LAT: variants seen among roughly 807,000 people sequenced by gnomAD.
LAT encodes the protein linker for activation of T-cells family member 1.
Under a neutral mutation model 39.1 loss-of-function variants are expected in LAT, and 12 were observed. The ratio of observed to expected loss-of-function variants is 0.31; its 90% CI spans 0.20 to 0.50. The LOEUF is 0.50. Ranked by LOEUF, LAT falls within the 20% of genes least tolerant of loss-of-function variation. The pLI is 0.98. For synonymous variants in LAT, 117 were observed against 123.8 expected (o/e 0.95, Z 0.36); for missense variants, 253 against 308.0 (o/e 0.82, Z 1.34).
chr16:28,985,610 C>T lies in LAT; in HGVS notation c.100+93C>T. 1 of 1,603,882 alleles carries T rather than the reference C, an allele frequency of 6.2e-7. No homozygotes were observed. The highest frequency in any genetic ancestry group is 8.5e-7 in the Non-Finnish European group (1 of 1,171,874). On this transcript the variant is annotated intron_variant, in intron 1 of 11. Transcript: ENST00000395456. This position sits in a 1 kb window ranked among gnomAD's most constrained non-coding sequence, Gnocchi z 4.6. ...CCCCTGTGTCTGTCCTGGCTCTGTCCCTGCCTCCGTCCTGATCCCAGCGCC... is the reference window on the plus strand; with the variant it reads ...CCCCTGTGTCTGTCCTGGCTCTGTCTCTGCCTCCGTCCTGATCCCAGCGCC...
chr16:28,984,909 G>T, upstream of LAT: 3 of 1,547,450 alleles, frequency 1.9e-6, no homozygotes, highest in South Asian at 1.2e-5. Context: ...CCGTCTTGGG[G>T]GGGGCCAGCA....
intron 8 of LAT, chr16:28,988,482 G>C (rs757222017): frequency 1.3e-5 from 2 of 151,938 alleles, no homozygotes; most frequent in South Asian, 2.1e-4. Context: ...AGGCCAAGGT[G>C]GGGGGATCAC....
Position 28,985,625 on chromosome 16 carries a change from A to T in LAT, c.101-88A>T. On this transcript the variant is annotated intron_variant, in intron 1 of 11. Transcript: ENST00000395456. The surrounding 1 kb of genome is among the most constrained non-coding windows in gnomAD (Gnocchi z 4.6). Reference sequence around the variant, plus strand: ...TGGCTCTGTCCCTGCCTCCGTCCTGATCCCAGCGCCTCTGAGAGTCCCTGG... The same window carrying T: ...TGGCTCTGTCCCTGCCTCCGTCCTGTTCCCAGCGCCTCTGAGAGTCCCTGG... 1 of 1,606,400 alleles carries T rather than the reference A, an allele frequency of 6.2e-7. No homozygotes were observed. Among genetic ancestry groups the T allele is most frequent in the Non-Finnish European group, 8.5e-7 (1 of 1,173,758 alleles).
rs775228902 is a variant in LAT at position 28,986,248 on chromosome 16, A to G, written c.245+32A>G. 2.6e-5 allele frequency: 40 copies of G among 1,558,666 alleles called. No individual in the cohort carries two copies. The highest frequency in any genetic ancestry group is 3.4e-5 in the Non-Finnish European group (39 of 1,143,768). ...AGCTGCTCAGCCCCTGCCCCTCCAA[A>G]GCTCAGCCCCTCCCCCTCCAAACTC... On this transcript the variant is annotated intron_variant, in intron 4 of 11. Coordinates refer to ENST00000395456, the MANE Select transcript of LAT (RefSeq NM_001014987.2). The surrounding 1 kb of genome is among the most constrained non-coding windows in gnomAD (Gnocchi z 5.7).
In LAT at chr16:28,990,495, A is replaced by T. The variant is rs1215498804; in HGVS notation, c.*314A>T. The T allele has an allele frequency of 3.2e-6, 1 of 309,744 alleles. No homozygotes were observed. The highest frequency in any genetic ancestry group is 2.2e-5 in the African/African-American group (1 of 44,976). 19.2% of individuals were successfully genotyped at this position (309,744 alleles called of 1,614,324 possible). A position where few individuals can be genotyped will look rare whatever the true frequency, so the allele number is the denominator to read the frequency against. On this transcript the variant is annotated 3_prime_UTR_variant, in exon 12 of 12. Coordinates refer to ENST00000395456, the MANE Select transcript of LAT (RefSeq NM_001014987.2). ...GTGCCTGTGTGCGAGTCTGAGTCAG[A>T]GATTTGGAGATGTCTCTGTGTGTTT...
Position 28,985,320 on chromosome 16 carries a change from C to T in LAT, c.-98C>T, listed in dbSNP as rs1230552518. ...ACCTGGTGCCTACCTGCCCCCTGCT[C>T]CCTGCCGGGTCCGGTCCTCACCCCA... On this transcript the variant is annotated 5_prime_UTR_variant, in exon 1 of 12. Transcript: ENST00000395456. This position sits in a 1 kb window ranked among gnomAD's most constrained non-coding sequence, Gnocchi z 4.6. 1.3e-6 allele frequency: 2 copies of T among 1,553,162 alleles called. No homozygotes were observed. The highest frequency in any genetic ancestry group is 1.4e-5 in the African/African-American group (1 of 73,752).
intron 8 of LAT, chr16:28,988,838 C>T (rs1428890579): frequency 3.9e-5 from 6 of 152,272 alleles, no homozygotes; most frequent in Non-Finnish European, 8.8e-5. Flanking sequence ...CAAGACCAGC[C>T]TGGGCAGCAT....
At position 28,985,822 on chromosome 16, in the gene LAT, G is replaced by A; in HGVS notation, c.129-32G>A. On this transcript the variant is annotated intron_variant, in intron 2 of 11. Coordinates refer to ENST00000395456, the MANE Select transcript of LAT (RefSeq NM_001014987.2). The surrounding 1 kb of genome is among the most constrained non-coding windows in gnomAD (Gnocchi z 4.6). ...TGGGGCTTCCATCCTCCATCTTCCA[G>A]CCCCATCCCCAAGCTGTGTCTCCTT... 3 of 1,614,040 alleles carry A rather than the reference G, an allele frequency of 1.9e-6. No homozygotes were observed. The highest frequency in any genetic ancestry group is 2.5e-6 in the Non-Finnish European group (3 of 1,179,972).
chr16:28,985,882 C>T lies in LAT; in HGVS notation c.157C>T (p.Arg53Trp), dbSNP rs186783312. ...SLYPRGIQFK[R>W]PHTVAPWPPA... ...GTATCCAAGGGGCATCCAGTTCAAA[C>T]GGCCTCGTGAGTACAAGGAGGGTCC... Residue 53 changes from arginine to tryptophan, a missense_variant, in exon 3 of 12, where the codon CGG (arginine) becomes TGG (tryptophan). Physicochemically the swap from Arg to Trp is moderately radical, Grantham distance 101. Transcript: ENST00000395456. This position sits in a 1 kb window ranked among gnomAD's most constrained non-coding sequence, Gnocchi z 4.6. 8.1e-6 allele frequency: 13 copies of T among 1,614,104 alleles called. No homozygotes were observed. The highest frequency in any genetic ancestry group is 1.0e-5 in the Non-Finnish European group (12 of 1,179,984).
Position 28,985,196 on chromosome 16 carries a change from T to C in LAT, c.-222T>C, listed in dbSNP as rs762379391. 7.0e-7 allele frequency: 1 copy of C among 1,429,450 alleles called. No individual in the cohort carries two copies. The allele number at this position is 1,429,450 out of a possible 1,614,324, so 88.5% of individuals were successfully genotyped here. A position where few individuals can be genotyped will look rare whatever the true frequency, so the allele number is the denominator to read the frequency against. ...CTGACCACCCTGGGAGCAGGGACTT[T>C]CCACAGTCAGCTGGACGCACACTCA... On this transcript the variant is annotated 5_prime_UTR_variant, in exon 1 of 12. Coordinates refer to ENST00000395456, the MANE Select transcript of LAT (RefSeq NM_001014987.2). This position sits in a 1 kb window ranked among gnomAD's most constrained non-coding sequence, Gnocchi z 4.6.
rs755492698 is a variant in LAT, at chr16:28,990,006, G to A, written c.696G>A (p.Leu232=). The change falls in exon 11 of 12, where the codon CTG becomes CTA. Residue 232 remains leucine, a synonymous_variant. Coordinates refer to ENST00000395456, the MANE Select transcript of LAT (RefSeq NM_001014987.2). ...GAPDYENLQE[L]N ...CAGATTACGAGAATCTGCAGGAGCT[G>A]AACTGAGGGCCTGGTGAGAGGCCTG... The A allele has an allele frequency of 1.2e-5, 19 of 1,613,132 alleles. No individual in the cohort carries two copies. The highest frequency in any genetic ancestry group is 1.5e-5 in the Non-Finnish European group (18 of 1,179,718).
chr16:28,989,810 T>G lies in LAT; in HGVS notation c.593T>G (p.Leu198Arg). The G allele has an allele frequency of 6.2e-7, 1 of 1,614,138 alleles. No individual in the cohort carries two copies. The highest frequency in any genetic ancestry group is 1.3e-5 in the African/African-American group (1 of 75,040). Reference sequence around the variant, plus strand: ...GAGTATGTGAATGTGTCCCAGGAACTGCATCCTGGAGCGGCTAAGACTGAG... The same window carrying G: ...GAGTATGTGAATGTGTCCCAGGAACGGCATCCTGGAGCGGCTAAGACTGAG... ...SREYVNVSQE[L>R]HPGAAKTEPA... The change falls in exon 10 of 12, where the codon CTG becomes CGG. Residue 198 changes from leucine (L) to arginine (R), a missense_variant. Physicochemically the swap from Leu to Arg is moderately radical, Grantham distance 102. Transcript: ENST00000395456.
chr16:28,986,768 T>A lies in LAT; in HGVS notation c.399-31T>A. 6.2e-7 allele frequency: 1 copy of A among 1,611,190 alleles called. No homozygotes were observed. Among genetic ancestry groups the A allele is most frequent in the South Asian group, 1.1e-5 (1 of 90,768 alleles). On this transcript the variant is annotated intron_variant, in intron 7 of 11. Coordinates refer to ENST00000395456, the MANE Select transcript of LAT (RefSeq NM_001014987.2). This position sits in a 1 kb window ranked among gnomAD's most constrained non-coding sequence, Gnocchi z 5.7. The stretch of plus-strand genomic sequence containing the variant: ...GAGGGCTGAGGCTGTGCGTCCCCCC[T>A]TGCTCACCGGCCCTTTTCACTTCCT...
chr16:28,985,856 T>C lies in LAT; in HGVS notation c.131T>C (p.Leu44Ser). The C allele has an allele frequency of 6.2e-7, 1 of 1,614,108 alleles. No individual in the cohort carries two copies. Among genetic ancestry groups the C allele is most frequent in the Non-Finnish European group, 8.5e-7 (1 of 1,180,000 alleles). The change falls in exon 3 of 12, where the codon TTG becomes TCG. Residue 44 changes from leucine (L) to serine (S), a missense_variant and splice_region_variant. Leu to Ser is a moderately radical substitution (Grantham distance 145). Transcript: ENST00000395456. This position sits in a 1 kb window ranked among gnomAD's most constrained non-coding sequence, Gnocchi z 4.6. ...GSYDSTSSDS[L>S]YPRGIQFKRP... Reference sequence around the variant, plus strand: ...CCAAGCTGTGTCTCCTTTACCAGTTTGTATCCAAGGGGCATCCAGTTCAAA... The same window carrying C: ...CCAAGCTGTGTCTCCTTTACCAGTTCGTATCCAAGGGGCATCCAGTTCAAA...
intron 11 of LAT, 83 bp downstream of exon 11, chr16:28,990,102 C>T: frequency 8.6e-7 from 1 of 1,163,654 alleles, no homozygotes; most frequent in Non-Finnish European, 1.2e-6. Context: ...CCCAACCCTA[C>T]CTCTGGCTTG....
chr16:28,986,344 C>A lies in LAT; in HGVS notation c.246-38C>A. On this transcript the variant is annotated intron_variant, in intron 4 of 11. Coordinates refer to ENST00000395456, the MANE Select transcript of LAT (RefSeq NM_001014987.2). The surrounding 1 kb of genome is among the most constrained non-coding windows in gnomAD (Gnocchi z 5.7). ...TTTGCAACTGCTGTTGCCCCCTGAGCCCCACCTCAGGCATGACCCCTGACC... is the reference window on the plus strand; with the variant it reads ...TTTGCAACTGCTGTTGCCCCCTGAGACCCACCTCAGGCATGACCCCTGACC... 1 of 1,605,626 alleles carries A rather than the reference C, an allele frequency of 6.2e-7. No homozygotes were observed. Among genetic ancestry groups the A allele is most frequent in the Admixed American group, 1.7e-5 (1 of 59,788 alleles).
chr16:28,984,837 C>T (rs748478144), upstream of LAT: 1 of 1,549,968 alleles, frequency 6.5e-7, no homozygotes, highest in Non-Finnish European at 8.7e-7. Context: ...GGCCTCCCTG[C>T]TCGCTGCCTC....
rs764430069 is a variant in LAT at position 28,989,558 on chromosome 16, G to A, written c.525G>A (p.Pro175=). Residue 175 remains proline, a synonymous_variant, in exon 9 of 12, where the codon CCG becomes CCA. Transcript: ENST00000395456. ...MESIDDYVNV[P]ESGESAEASL... ...CCATTGATGATTACGTGAACGTTCC[G>A]GAGAGCGGGGAGAGCGCAGAAGCGT... 98 of 1,611,368 alleles carry A rather than the reference G, an allele frequency of 6.1e-5. No homozygotes were observed. Among genetic ancestry groups the A allele is most frequent in the Admixed American group, 2.0e-4 (12 of 59,672 alleles).
chr16:28,990,449 G>C lies in LAT; in HGVS notation c.*268G>C. 8.6e-6 allele frequency: 3 copies of C among 348,498 alleles called. No homozygotes were observed. Among genetic ancestry groups the C allele is most frequent in the South Asian group, 6.6e-5 (3 of 45,714 alleles). 21.6% of individuals were successfully genotyped at this position (348,498 alleles called of 1,614,324 possible). ...ATAGAATAAAGGCCTGCGTGTGTCT[G>C]TGTTGAGCGTGCGTCTGTGTGTGCC... On this transcript the variant is annotated 3_prime_UTR_variant, in exon 12 of 12. Transcript: ENST00000395456.
Sources: allele counts gnomAD v4.1 joint callset, GRCh38; gene constraint gnomAD v4.1.1; non-coding constraint Gnocchi (gnomAD v3.1); transcripts MANE v1.5; gene names NCBI Gene and HGNC (gene_info 2026-07-23, HGNC 2026-07-21).